PDE6D: variants seen among roughly 807,000 people sequenced by gnomAD.
PDE6D encodes the protein phosphodiesterase 6D.
In PDE6D, 10 loss-of-function variants were observed where a neutral mutation model predicts 21.9. The ratio of observed to expected loss-of-function variants is 0.46; its 90% CI spans 0.28 to 0.78. The LOEUF (loss-of-function observed/expected upper bound fraction) is 0.78, where lower values mean the gene tolerates loss of function less well. Among genes scored for constraint, PDE6D ranks in the 30% least tolerant of loss-of-function variants. The pLI is 0.12. For missense variants in PDE6D, 139 were observed against 184.8 expected, an observed-to-expected ratio of 0.75 and a Z score of 1.44; for synonymous variants, 59 against 63.5, an observed-to-expected ratio of 0.93 and a Z score of 0.34.
At position 231,739,047 on chromosome 2, in the gene PDE6D, G is replaced by A; in HGVS notation, c.139+53C>T. On this transcript the variant is annotated intron_variant, in intron 2 of 4. Coordinates refer to ENST00000287600, the MANE Select transcript of PDE6D (RefSeq NM_002601.4). The surrounding 1 kb of genome is among the most constrained non-coding windows in gnomAD (Gnocchi z 4.2). ...GTTAACTTAGCTCTCTTATGCTCAGGTGCTAGTCTGGCATTGGTCACAGCC... is the reference window on the plus strand; with the variant it reads ...GTTAACTTAGCTCTCTTATGCTCAGATGCTAGTCTGGCATTGGTCACAGCC... The A allele has an allele frequency of 3.5e-6, 4 of 1,136,832 alleles. No individual in the cohort carries two copies. The highest frequency in any genetic ancestry group is 4.0e-6 in the Non-Finnish European group (3 of 748,022). The allele number at this position is 1,136,832 out of a possible 1,614,324, so 70.4% of individuals were successfully genotyped here.
chr2:231,760,974 T>G (rs1285100743), intron 1 of PDE6D, among the ~76,000 whole-genome samples: 3 of 152,128 alleles, frequency 2.0e-5, no homozygotes, highest in African/African-American at 7.2e-5. Flanking sequence ...CTAATACCAG[T>G]TGAGTGGATG....
chr2:231,748,469 T>C (rs2048811656), intron 1 of PDE6D, among the ~76,000 whole-genome samples: 1 of 152,154 alleles, frequency 6.6e-6, no homozygotes, highest in Non-Finnish European at 1.5e-5. Flanking sequence ...GTTAAAGGCA[T>C]TCAGTTTTAT....
At chr2:231,735,611 A>G (rs958990568) in intron 4 of PDE6D, among the ~76,000 whole-genome samples, 1 of 151,766 alleles carries the variant, frequency 6.6e-6, no homozygotes, top group African/African-American at 2.4e-5. Context: ...TACAAAATCT[A>G]TGTTGCCCAA....
At chr2:231,762,685 A>C (rs1203171867) in intron 1 of PDE6D, among the ~76,000 whole-genome samples, 3 of 152,050 alleles carry the variant, frequency 2.0e-5, no homozygotes, top group African/African-American at 7.2e-5. Flanking sequence ...GTAGTGCTGT[A>C]AGCAACGCAA....
At chr2:231,754,523 ATTTTTTT>A (rs34036079) in intron 1 of PDE6D, among the ~76,000 whole-genome samples, 47 of 128,980 alleles carry the variant, frequency 3.6e-4, no homozygotes, top group African/African-American at 1.2e-3. Context: ...TGCCTGGCTA[ATTTTTTT>A]TTTTTTTTTT....
At chr2:231,765,451 T>G (rs1326111644) in intron 1 of PDE6D, among the ~76,000 whole-genome samples, 1 of 152,134 alleles carries the variant, frequency 6.6e-6, no homozygotes, top group East Asian at 1.9e-4. Flanking sequence ...AAAAGCCCAT[T>G]CTGCATTAAG....
rs34036079 is a variant in PDE6D at position 231,754,523 on chromosome 2, AT to A, written c.51-15336del. 6.1e-3 allele frequency among the ~76,000 whole-genome samples: 785 copies of A among 128,962 alleles called. 4 individuals carry two copies. The highest frequency in any genetic ancestry group is 7.5e-3 in the Middle Eastern group (2 of 268). 84.6% of individuals were successfully genotyped at this position (128,962 alleles called of 152,430 possible). ...AGGCGCCCACCACCATGCCTGGCTA[AT>A]TTTTTTTTTTTTTTTTTTGGTATTT... On this transcript the variant is annotated intron_variant, in intron 1 of 4. Coordinates refer to ENST00000287600, the MANE Select transcript of PDE6D (RefSeq NM_002601.4).
intron 1 of PDE6D, among the ~76,000 whole-genome samples, chr2:231,763,638 C>CTTT (rs756344566): frequency 7.4e-6 from 1 of 135,492 alleles, no homozygotes; most frequent in Admixed American, 7.4e-5. Flanking sequence ...CTTTTTTTTT[C>CTTT]TTTTTTTTTT....
intron 1 of PDE6D, among the ~76,000 whole-genome samples, chr2:231,747,893 T>C (rs974056190): frequency 5.3e-5 from 8 of 152,236 alleles, no homozygotes; most frequent in South Asian, 2.1e-4. Flanking sequence ...GAATGCACTA[T>C]TGCTTCTTCC....
rs536522831 is a variant in PDE6D at position 231,774,003 on chromosome 2, G to A, written c.50+7062C>T. On this transcript the variant is annotated intron_variant, in intron 1 of 4. Transcript: ENST00000287600. Reference sequence around the variant, plus strand: ...GGCTGGAGTGCACTGGCGTGATCTCGGCTCACTGCAACCTCCACCTCCTGG... The same window carrying A: ...GGCTGGAGTGCACTGGCGTGATCTCAGCTCACTGCAACCTCCACCTCCTGG... Among the ~76,000 whole-genome samples, 560 of 151,838 alleles carry A rather than the reference G, an allele frequency of 3.7e-3. 13 individuals carry two copies. Among genetic ancestry groups the A allele is most frequent in the Middle Eastern group, 0.02 (6 of 294 alleles).
chr2:231,772,826 C>T (rs910777549), intron 1 of PDE6D, among the ~76,000 whole-genome samples: 2 of 152,194 alleles, frequency 1.3e-5, no homozygotes, highest in African/African-American at 4.8e-5. Flanking sequence ...TGTAATGTTT[C>T]ATTATAAACC....
chr2:231,739,000 C>A (rs980933503), intron 2 of PDE6D, 100 bp downstream of exon 2: 4 of 690,200 alleles, frequency 5.8e-6, no homozygotes, highest in Non-Finnish European at 1.1e-5. Flanking sequence ...TCTTCAGGGG[C>A]TCACCCGCCT....
At chr2:231,780,212 C>G (rs981420597) in intron 1 of PDE6D, among the ~76,000 whole-genome samples, 6 of 152,194 alleles carry the variant, frequency 3.9e-5, no homozygotes, top group African/African-American at 9.6e-5. Flanking sequence ...CTACCCCACT[C>G]TATCCTACCG....
intron 1 of PDE6D, among the ~76,000 whole-genome samples, chr2:231,763,486 C>T (rs928131943): frequency 2.0e-5 from 3 of 152,138 alleles, no homozygotes; most frequent in African/African-American, 7.2e-5. Flanking sequence ...ATGTGGCCCA[C>T]AGACTGGTCC....
chr2:231,751,122 C>CT (rs36043938), intron 1 of PDE6D, among the ~76,000 whole-genome samples: 545 of 68,288 alleles, frequency 8.0e-3, no homozygotes, highest in African/African-American at 0.027. Context: ...CTATTCTAGT[C>CT]TTTTTTTTTT....
intron 1 of PDE6D, among the ~76,000 whole-genome samples, chr2:231,774,277 T>C (rs907489656): frequency 1.3e-5 from 2 of 152,160 alleles, no homozygotes; most frequent in African/African-American, 4.8e-5. Context: ...TGGCAGCAGA[T>C]ATTACTATAT....
chr2:231,779,974 C>A (rs2049091651), intron 1 of PDE6D, among the ~76,000 whole-genome samples: 1 of 152,192 alleles, frequency 6.6e-6, no homozygotes, highest in South Asian at 2.1e-4. Context: ...GAAGTGGTGA[C>A]TACCTTTTCA....
chr2:231,762,380 T>C (rs1490202922), intron 1 of PDE6D, among the ~76,000 whole-genome samples: 1 of 145,852 alleles, frequency 6.9e-6, no homozygotes, highest in Non-Finnish European at 1.5e-5. Context: ...AGTCTTGCTC[T>C]GTCGACCAGG....
At chr2:231,780,947 C>A (rs1339273412) in intron 1 of PDE6D, 118 bp downstream of exon 1, 1 of 915,938 alleles carries the variant, frequency 1.1e-6, no homozygotes, top group Non-Finnish European at 1.7e-6. Context: ...TTCCTCTCCC[C>A]TCCCGCGGCC....
Sources: gnomAD v4.1 joint callset for allele counts (sites outside exome capture counted in the v4.1 genomes callset) on GRCh38, gnomAD v4.1.1 for gene constraint, Gnocchi (gnomAD v3.1) non-coding constraint, MANE v1.5 for transcripts, NCBI Gene and HGNC (gene_info 2026-07-23, HGNC 2026-07-21) for gene names.